Variants in NEDD8 observed in about 807,000 individuals in gnomAD.
NEDD8 encodes the protein NEDD8 ubiquitin like modifier.
Under a neutral mutation model 13.8 loss-of-function variants are expected in NEDD8, and 1 was observed. The observed-to-expected ratio is 0.07, with a 90% confidence interval of 0.03 to 0.34. The LOEUF is 0.34. Ranked by LOEUF, NEDD8 falls within the 10% of genes least tolerant of loss-of-function variation. The probability of loss-of-function intolerance (pLI) is 0.99; values close to 1 mark genes in which losing one functional copy is unlikely to be tolerated. For missense variants in NEDD8, 10 were observed against 95.2 expected (o/e 0.10, Z 3.73); for synonymous variants, 31 against 33.2 (o/e 0.93, Z 0.23).
In NEDD8 at chr14:24,232,313, C is replaced by T. The variant is rs779074616; in HGVS notation, c.-46G>A. 3 of 1,612,630 alleles carry T rather than the reference C, an allele frequency of 1.9e-6. No individual in the cohort carries two copies. Among genetic ancestry groups the T allele is most frequent in the Non-Finnish European group, 2.5e-6 (3 of 1,179,562 alleles). On this transcript the variant is annotated 5_prime_UTR_variant, in exon 1 of 4. Transcript: ENST00000250495. ...GCACACGGATAAATTGCTGCTCCTACCGCTCCGGTCGCCGCTGCCGCCCTC... is the reference window on the plus strand; with the variant it reads ...GCACACGGATAAATTGCTGCTCCTATCGCTCCGGTCGCCGCTGCCGCCCTC...
intron 1 of NEDD8, among the ~76,000 whole-genome samples, chr14:24,226,053 A>T (rs1018633929): frequency 6.6e-6 from 1 of 150,964 alleles, no homozygotes; most frequent in Non-Finnish European, 1.5e-5. Context: ...AAAAAAAAAA[A>T]GATGAACCTA....
At chr14:24,217,679 C>T (rs2039733211) in intron 3 of NEDD8, 1 of 167,808 alleles carries the variant, frequency 6.0e-6, no homozygotes, top group Admixed American at 5.8e-5. Context: ...TTACTAACCC[C>T]CAACTGAAAT....
intron 1 of NEDD8, among the ~76,000 whole-genome samples, chr14:24,224,939 G>A (rs979508754): frequency 6.6e-6 from 1 of 152,020 alleles, no homozygotes; most frequent in Admixed American, 6.6e-5. Flanking sequence ...TGGGCGGGTC[G>A]CTTGAGGCCA....
intron 1 of NEDD8, among the ~76,000 whole-genome samples, chr14:24,225,616 C>T (rs1024813320): frequency 6.6e-6 from 1 of 152,182 alleles, no homozygotes; most frequent in African/African-American, 2.4e-5. Flanking sequence ...ATACACCCTT[C>T]TCTTTCCTGA....
chr14:24,226,174 AAATTAATAG>A (rs2039887413), intron 1 of NEDD8, among the ~76,000 whole-genome samples: 2 of 152,022 alleles, frequency 1.3e-5, no homozygotes, highest in Non-Finnish European at 2.9e-5. Context: ...ATTAGACATA[AAATTAATAG>A]AATAAGGCTG....
intron 3 of NEDD8, 55 bp from the exon 4 acceptor site, chr14:24,217,278 TTGTTG>T: frequency 9.6e-7 from 1 of 1,040,762 alleles, no homozygotes; most frequent in African/African-American, 3.9e-5. Context: ...GAGTTTTTTG[TTGTTG>T]TTGTTGTTGT....
At chr14:24,231,075 C>T (rs1172289547) in intron 1 of NEDD8, among the ~76,000 whole-genome samples, 1 of 151,896 alleles carries the variant, frequency 6.6e-6, no homozygotes, top group Admixed American at 6.6e-5. Context: ...ATTTATTGTA[C>T]AGGCAGGGTT....
At chr14:24,229,368 T>C (rs1310478139) in intron 1 of NEDD8, among the ~76,000 whole-genome samples, 1 of 152,194 alleles carries the variant, frequency 6.6e-6, no homozygotes, top group East Asian at 1.9e-4. Flanking sequence ...TACAGGTGTG[T>C]GCCACCACAC....
chr14:24,225,507 G>A (rs1038833178), intron 1 of NEDD8, among the ~76,000 whole-genome samples: 1 of 152,148 alleles, frequency 6.6e-6, no homozygotes, highest in Non-Finnish European at 1.5e-5. Context: ...TATGCTAGCT[G>A]GAATTTGCTT....
rs2039740604 is a variant in NEDD8, at chr14:24,218,116, T to G, written c.149+17A>C. 1 of 1,613,874 alleles carries G rather than the reference T, an allele frequency of 6.2e-7. No individual in the cohort carries two copies. On this transcript the variant is annotated intron_variant, in intron 3 of 3. Coordinates refer to ENST00000250495, the MANE Select transcript of NEDD8 (RefSeq NM_006156.3). The stretch of plus-strand genomic sequence containing the variant: ...TCACATAAGATCGCCATGCTGTCAT[T>G]CTCACTCCAAACTCACATCTGCTTG...
chr14:24,225,983 G>A (rs1390428183), intron 1 of NEDD8, among the ~76,000 whole-genome samples: 3 of 151,488 alleles, frequency 2.0e-5, no homozygotes, highest in Non-Finnish European at 2.9e-5. Context: ...AGGTTGCAGT[G>A]AGCAGGGATC....
intron 1 of NEDD8, among the ~76,000 whole-genome samples, chr14:24,219,059 A>T (rs996035451): frequency 3.3e-5 from 5 of 152,160 alleles, no homozygotes; most frequent in African/African-American, 4.8e-5. Context: ...AAGATATCTT[A>T]AAAAAAGTCA....
intron 1 of NEDD8, among the ~76,000 whole-genome samples, chr14:24,219,475 C>CAAAA (rs59964484): frequency 1.0e-3 from 34 of 33,348 alleles, no homozygotes; most frequent in South Asian, 3.4e-3. Flanking sequence ...AACACCCTCG[C>CAAAA]AAAAAAAAAA....
At chr14:24,221,068 T>C (rs1444134073) in intron 1 of NEDD8, among the ~76,000 whole-genome samples, 1 of 152,232 alleles carries the variant, frequency 6.6e-6, no homozygotes, top group Admixed American at 6.5e-5. Context: ...ACAGCAGTGA[T>C]TCTCAAGCTT....
chr14:24,225,180 A>AG (rs1219409209), intron 1 of NEDD8, among the ~76,000 whole-genome samples: 1 of 151,350 alleles, frequency 6.6e-6, no homozygotes, highest in Non-Finnish European at 1.5e-5. Context: ...TCAAAAAAAA[A>AG]AAAAAAGAAA....
At chr14:24,225,067 G>A (rs1161999675) in intron 1 of NEDD8, among the ~76,000 whole-genome samples, 3 of 150,734 alleles carry the variant, frequency 2.0e-5, no homozygotes, top group African/African-American at 2.4e-5. Context: ...GCTGAGGCAC[G>A]AGAATACAAG....
At chr14:24,225,741 G>A (rs907562552) in intron 1 of NEDD8, among the ~76,000 whole-genome samples, 6 of 152,108 alleles carry the variant, frequency 3.9e-5, no homozygotes, top group Admixed American at 2.6e-4. Flanking sequence ...ATTTAAACAA[G>A]TATAAGATGA....
chr14:24,220,359 T>C (rs2039785911), intron 1 of NEDD8, among the ~76,000 whole-genome samples: 2 of 152,186 alleles, frequency 1.3e-5, no homozygotes, highest in African/African-American at 4.8e-5. Context: ...TCTCACTGTA[T>C]CAAGCAGGCT....
In NEDD8 at chr14:24,220,217, T is replaced by C. The variant is rs572796681; in HGVS notation, c.19-1786A>G. On this transcript the variant is annotated intron_variant, in intron 1 of 3. Transcript: ENST00000250495. ...ACAGCTAGTTGTTTAAGTGTTAAAC[T>C]TTCCTAGTGTTTGACACACAAGCAG... 1.8e-4 allele frequency among the ~76,000 whole-genome samples: 27 copies of C among 152,384 alleles called. No homozygotes were observed. In the South Asian group the frequency reaches 2.5e-3, roughly 14 times the overall value.
Sources: gnomAD v4.1 joint callset for allele counts (sites outside exome capture counted in the v4.1 genomes callset) on GRCh38, gnomAD v4.1.1 for gene constraint, MANE v1.5 for transcripts, NCBI Gene and HGNC (gene_info 2026-07-23, HGNC 2026-07-21) for gene names.